ZBTB7C: variants seen among roughly 807,000 people sequenced by gnomAD.
ZBTB7C encodes the protein zinc finger and BTB domain-containing protein 7C.
ZBTB7C carries 8 observed loss-of-function variants against 25.7 expected under a neutral mutation model. The observed-to-expected ratio is 0.31, with a 90% CI of 0.18 to 0.56. The LOEUF (loss-of-function observed/expected upper bound fraction) is 0.56, where lower values mean the gene tolerates loss of function less well. ZBTB7C is among the 20% of genes least tolerant of loss of function. ZBTB7C has a pLI of 0.91. For missense variants in ZBTB7C, 824 were observed against 855.2 expected, an observed-to-expected ratio of 0.96 and a Z score of 0.46; for synonymous variants, 394 against 369.0, an observed-to-expected ratio of 1.07 and a Z score of -0.78.
intron 1 of ZBTB7C, among the ~76,000 whole-genome samples, chr18:48,342,184 G>C (rs925651042): frequency 6.6e-6 from 1 of 152,204 alleles, no homozygotes; most frequent in Non-Finnish European, 1.5e-5. Context: ...AGGTTCCCAT[G>C]CCAGCTCATC....
At chr18:48,143,324 C>G (rs1451964103) in intron 3 of ZBTB7C, among the ~76,000 whole-genome samples, 2 of 152,058 alleles carry the variant, frequency 1.3e-5, no homozygotes, top group African/African-American at 4.8e-5. Context: ...CGGCACTTAC[C>G]TCCAAAGCAG....
chr18:48,040,699 C>A lies in ZBTB7C; in HGVS notation c.409G>T (p.Asp137Tyr). ...TCGTCGTCATCGTCCTCCTTGTCAT[C>A]CTCCTCCCCCCCGTCCCCCCCAGGC... ...MEPGGDGGEE[D>Y]DKEDDDDDED... The change falls in exon 4 of 5, where the codon GAT becomes TAT. Residue 137 changes from aspartate (D) to tyrosine (Y), a missense_variant. Physicochemically the swap from Asp to Tyr is radical, Grantham distance 160 (BLOSUM62 -3). Around this residue, in one of 4 missense-constraint regions of ZBTB7C, gnomAD observed 316 missense variants for 299.2 expected, o/e 1.06. Transcript: ENST00000590800. The A allele has an allele frequency of 6.2e-7, 1 of 1,613,954 alleles. No homozygotes were observed. Among genetic ancestry groups the A allele is most frequent in the Non-Finnish European group, 8.5e-7 (1 of 1,179,948 alleles).
chr18:48,362,249 T>C (rs1415665476), intron 1 of ZBTB7C, among the ~76,000 whole-genome samples: 2 of 152,192 alleles, frequency 1.3e-5, no homozygotes, highest in Non-Finnish European at 2.9e-5. Flanking sequence ...TGACAGTCCC[T>C]TTTCTCCCCA....
chr18:48,110,416 G>C (rs956171411), intron 3 of ZBTB7C, among the ~76,000 whole-genome samples: 7 of 152,182 alleles, frequency 4.6e-5, no homozygotes, highest in Non-Finnish European at 1.0e-4. Flanking sequence ...TAAGAGGCAT[G>C]ATCTTTAGGG....
chr18:48,371,836 T>A (rs940375667), intron 1 of ZBTB7C, among the ~76,000 whole-genome samples: 3 of 152,186 alleles, frequency 2.0e-5, no homozygotes, highest in Non-Finnish European at 4.4e-5. Flanking sequence ...AGGCCATTAA[T>A]CACCACTGTT....
chr18:48,223,155 T>C (rs2043002538), intron 2 of ZBTB7C, among the ~76,000 whole-genome samples: 1 of 152,154 alleles, frequency 6.6e-6, no homozygotes, highest in Non-Finnish European at 1.5e-5. Context: ...GGGTTTACAC[T>C]GGGCTCTGCA....
intron 3 of ZBTB7C, among the ~76,000 whole-genome samples, chr18:48,124,826 G>A (rs889089195): frequency 3.9e-5 from 6 of 152,330 alleles, no homozygotes; most frequent in Admixed American, 1.3e-4. Context: ...TTTTAACACT[G>A]GTTGGGAGAA....
intron 3 of ZBTB7C, among the ~76,000 whole-genome samples, chr18:48,055,501 G>A (rs1309930667): frequency 6.6e-6 from 1 of 151,962 alleles, no homozygotes; most frequent in African/African-American, 2.4e-5. Flanking sequence ...TAGGTGTCTG[G>A]GCTGAACGGC....
At chr18:48,187,194 G>A (rs2145137454) in intron 2 of ZBTB7C, among the ~76,000 whole-genome samples, 1 of 152,258 alleles carries the variant, frequency 6.6e-6, no homozygotes, top group South Asian at 2.1e-4. Context: ...TTTGAAAGCT[G>A]GAAGCACTTT....
Position 48,029,909 on chromosome 18 carries a change from T to A in ZBTB7C, c.1211A>T (p.Gln404Leu). The change falls in exon 5 of 5, where the codon CAG (glutamine) becomes CTG (leucine). Residue 404 changes from glutamine to leucine, a missense_variant and splice_region_variant. Gln to Leu is a moderately radical substitution (Grantham distance 113, BLOSUM62 -2). Transcript: ENST00000590800. ...CTICEVRFTR[Q>L]DKLKIHMRKH... ...CCGCATGTGGATTTTCAGCTTGTCC[T>A]GCCTGCAATGCAGAGACTGGGGGTC... 6.2e-7 allele frequency: 1 copy of A among 1,610,880 alleles called. No homozygotes were observed. Among genetic ancestry groups the A allele is most frequent in the Non-Finnish European group, 8.5e-7 (1 of 1,179,978 alleles).
chr18:48,335,310 G>A (rs753021039), intron 2 of ZBTB7C, among the ~76,000 whole-genome samples: 6 of 152,162 alleles, frequency 3.9e-5, no homozygotes, highest in African/African-American at 1.4e-4. Flanking sequence ...TGATCGTCAC[G>A]GGGCAATTAT....
rs1175538169 is a variant in ZBTB7C, at chr18:48,141,154, C to G, written c.-17+44780G>C. ...GGCATCCCCCCCGCACCACCCCCCC[C>G]ACTGTTCCTTCTCCTTCCTGCTGTG... On this transcript the variant is annotated intron_variant, in intron 3 of 4. Coordinates refer to ENST00000590800, the MANE Select transcript of ZBTB7C (RefSeq NM_001318841.2). Among the ~76,000 whole-genome samples the G allele has an allele frequency of 3.1e-3, 450 of 146,832 alleles. 2 individuals are homozygous for G. The highest frequency in any genetic ancestry group is 4.4e-3 in the Non-Finnish European group (293 of 66,514).
intron 1 of ZBTB7C, among the ~76,000 whole-genome samples, chr18:48,338,614 C>T (rs905333821): frequency 3.3e-5 from 5 of 151,882 alleles, no homozygotes; most frequent in African/African-American, 4.8e-5. Flanking sequence ...ACACACACAC[C>T]GCACACACAT....
intron 3 of ZBTB7C, among the ~76,000 whole-genome samples, chr18:48,124,999 G>A (rs2039754196): frequency 1.3e-5 from 2 of 152,312 alleles, no homozygotes; most frequent in South Asian, 4.1e-4. Context: ...GAAACGCCAC[G>A]GTCACAGGCA....
intron 2 of ZBTB7C, among the ~76,000 whole-genome samples, chr18:48,321,352 C>T (rs2046087911): frequency 6.6e-6 from 1 of 152,210 alleles, no homozygotes; most frequent in Admixed American, 6.5e-5. Context: ...CAGAGATGAG[C>T]TGACTGTACC....
At chr18:48,388,626 G>A (rs2047806093) in intron 1 of ZBTB7C, among the ~76,000 whole-genome samples, 1 of 152,188 alleles carries the variant, frequency 6.6e-6, no homozygotes, top group African/African-American at 2.4e-5. Context: ...GTACATGCCT[G>A]TGATCCCAGC....
intron 3 of ZBTB7C, among the ~76,000 whole-genome samples, chr18:48,051,088 C>T: frequency 6.6e-6 from 1 of 152,164 alleles, no homozygotes; most frequent in Non-Finnish European, 1.5e-5. Context: ...CTGTTGACCT[C>T]CAGCCCCAAC....
intron 2 of ZBTB7C, among the ~76,000 whole-genome samples, chr18:48,211,476 T>C (rs2042701334): frequency 6.6e-6 from 1 of 152,116 alleles, no homozygotes; most frequent in Non-Finnish European, 1.5e-5. Flanking sequence ...CACAAAGAAC[T>C]CTTAAAACTC....
At chr18:48,338,792 G>A (rs7230371) in intron 1 of ZBTB7C, among the ~76,000 whole-genome samples, 98,599 of 152,038 alleles carry the variant, frequency 0.65, 32,456 homozygotes, top group East Asian at 0.84. Context: ...AGAGAAAGGA[G>A]ATGCATGTTC....
Sources: allele counts gnomAD v4.1 joint callset (sites outside exome capture counted in the v4.1 genomes callset), GRCh38; gene constraint gnomAD v4.1.1; regional missense constraint gnomAD v4.1.1; transcripts MANE v1.5; gene names NCBI Gene and HGNC (gene_info 2026-07-23, HGNC 2026-07-21).